The following CFDP1 variants were observed in gnomAD, a reference collection of about 807,000 sequenced individuals.
CFDP1 encodes the protein heterochromatin-stabilizing protein CFDP1.
Under a neutral mutation model 40.1 loss-of-function variants are expected in CFDP1, and 31 were observed. The observed-to-expected ratio is 0.77, with a 90% CI of 0.58 to 1.04. The LOEUF (loss-of-function observed/expected upper bound fraction) is 1.04. Among genes scored for constraint, CFDP1 ranks in the 50% least tolerant of loss-of-function variants. The pLI, the probability that CFDP1 is intolerant of heterozygous loss-of-function variation, is 0.00. For synonymous variants in CFDP1, 167 were observed against 120.0 expected, an observed-to-expected ratio of 1.39 and a Z score of -2.56; for missense variants, 423 against 343.4, an observed-to-expected ratio of 1.23 and a Z score of -1.83.
intron 5 of CFDP1, among the ~76,000 whole-genome samples, chr16:75,308,275 A>G (rs1261454372): frequency 6.6e-6 from 1 of 152,124 alleles, no homozygotes; most frequent in Non-Finnish European, 1.5e-5. Context: ...TGGTGGCATC[A>G]AGCCCTCGTG....
intron 5 of CFDP1, among the ~76,000 whole-genome samples, chr16:75,355,766 A>C (rs2078640775): frequency 6.6e-6 from 1 of 152,002 alleles, no homozygotes; most frequent in African/African-American, 2.4e-5. Context: ...CCCTGCTTGC[A>C]CTCATTCTCT....
chr16:75,399,827 C>T (rs992001126), intron 4 of CFDP1, among the ~76,000 whole-genome samples: 12 of 151,942 alleles, frequency 7.9e-5, no homozygotes, highest in African/African-American at 2.9e-4. Flanking sequence ...ATCGGCTGGG[C>T]GTGGTGGCTC....
chr16:75,425,152 G>A (rs2079323429), intron 1 of CFDP1, among the ~76,000 whole-genome samples: 1 of 151,638 alleles, frequency 6.6e-6, no homozygotes, highest in African/African-American at 2.4e-5. Context: ...TTCCCAAAAC[G>A]GTCTACAGAT....
At chr16:75,365,422 C>G (rs1331011727) in intron 5 of CFDP1, among the ~76,000 whole-genome samples, 1 of 152,138 alleles carries the variant, frequency 6.6e-6, no homozygotes, top group African/African-American at 2.4e-5. Flanking sequence ...AGGGGACTGA[C>G]TGTGTGAGAT....
At chr16:75,413,989 A>T (rs1195713112) in intron 2 of CFDP1, among the ~76,000 whole-genome samples, 2 of 152,164 alleles carry the variant, frequency 1.3e-5, no homozygotes, top group African/African-American at 4.8e-5. Context: ...CTTTGTATAC[A>T]TGTATACAAA....
chr16:75,372,237 G>C (rs1396709089), intron 5 of CFDP1: 1 of 152,172 alleles, frequency 6.6e-6, no homozygotes, highest in Non-Finnish European at 1.5e-5. Flanking sequence ...TGAAGAGTTT[G>C]ACAGAGAACT....
At chr16:75,302,628 G>A (rs2070584562) in intron 6 of CFDP1, among the ~76,000 whole-genome samples, 1 of 152,230 alleles carries the variant, frequency 6.6e-6, no homozygotes, top group East Asian at 1.9e-4. Context: ...ATTCAGAGAA[G>A]CAATAATGTG....
chr16:75,355,324 T>C (rs2078638616), intron 5 of CFDP1, among the ~76,000 whole-genome samples: 1 of 152,228 alleles, frequency 6.6e-6, no homozygotes, highest in African/African-American at 2.4e-5. Context: ...CAATGCTGTT[T>C]GATAGCATTT....
At chr16:75,426,432 CA>C (rs938263282) in intron 1 of CFDP1, among the ~76,000 whole-genome samples, 2 of 151,780 alleles carry the variant, frequency 1.3e-5, no homozygotes, top group African/African-American at 4.8e-5. Context: ...CCGAGTTAGG[CA>C]AAAAAGAGTT....
At chr16:75,364,652 C>T (rs2078701832) in intron 5 of CFDP1, among the ~76,000 whole-genome samples, 1 of 152,112 alleles carries the variant, frequency 6.6e-6, no homozygotes, top group Non-Finnish European at 1.5e-5. Flanking sequence ...TAAAACAATG[C>T]CACTCTTCTC....
intron 1 of CFDP1, among the ~76,000 whole-genome samples, chr16:75,425,759 C>A (rs1333642282): frequency 6.6e-6 from 1 of 151,524 alleles, no homozygotes; most frequent in South Asian, 2.1e-4. Context: ...GCTGGCCGGG[C>A]ACGGTGGCTC....
intron 1 of CFDP1, among the ~76,000 whole-genome samples, chr16:75,431,313 G>T (rs958804590): frequency 1.3e-5 from 2 of 151,858 alleles, no homozygotes; most frequent in African/African-American, 2.4e-5. Context: ...AATCATTCGG[G>T]TGTGCTGGCG....
At chr16:75,397,661 C>T (rs887693899) in intron 4 of CFDP1, among the ~76,000 whole-genome samples, 2 of 151,926 alleles carry the variant, frequency 1.3e-5, no homozygotes, top group Non-Finnish European at 2.9e-5. Context: ...AAAAATTAGC[C>T]GGGCATAGTG....
At chr16:75,357,940 G>C (rs1426466459) in intron 5 of CFDP1, among the ~76,000 whole-genome samples, 1 of 152,172 alleles carries the variant, frequency 6.6e-6, no homozygotes, top group Admixed American at 6.5e-5. Flanking sequence ...TTGATTTAAA[G>C]TGAGAGATGT....
rs778504803 is a variant in CFDP1 at position 75,395,132 on chromosome 16, G to C, written c.608C>G (p.Ala203Gly). The C allele has an allele frequency of 6.2e-7, 1 of 1,613,836 alleles. No individual in the cohort carries two copies. The highest frequency in any genetic ancestry group is 2.2e-5 in the East Asian group (1 of 44,888). ...FKQNEKEKPQ[A>G]NVPSALPSLP... is the part of the protein sequence containing the mutation. ...TGATGGCAGAGCTGAAGGAACATTAGCCTGTGGTTTTTCTTTCTCATTCTG... is the reference window on the plus strand; with the variant it reads ...TGATGGCAGAGCTGAAGGAACATTACCCTGTGGTTTTTCTTTCTCATTCTG... The change falls in exon 5 of 7, where the codon GCT becomes GGT. Residue 203 changes from alanine (A) to glycine (G), a missense_variant. By Grantham distance (60) the Ala-to-Gly change is moderately conservative. Transcript: ENST00000283882.
chr16:75,318,308 T>TA (rs1240617488), intron 5 of CFDP1, among the ~76,000 whole-genome samples: 1 of 152,038 alleles, frequency 6.6e-6, no homozygotes, highest in Non-Finnish European at 1.5e-5. Context: ...TCTCGCCAAC[T>TA]AAGTCAACAG....
intron 1 of CFDP1, among the ~76,000 whole-genome samples, chr16:75,415,678 C>A (rs2151589866): frequency 6.6e-6 from 1 of 152,334 alleles, no homozygotes; most frequent in South Asian, 2.1e-4. Context: ...GAGTCACCCA[C>A]ATTGTTGCAG....
At chr16:75,418,620 A>G (rs997383862) in intron 1 of CFDP1, among the ~76,000 whole-genome samples, 2 of 151,884 alleles carry the variant, frequency 1.3e-5, no homozygotes, top group African/African-American at 4.8e-5. Context: ...ACCCTTTTTA[A>G]GTATTTCCTA....
chr16:75,370,358 G>C (rs2078743031), intron 5 of CFDP1, among the ~76,000 whole-genome samples: 2 of 151,996 alleles, frequency 1.3e-5, no homozygotes, highest in South Asian at 4.2e-4. Context: ...CTCCCAAAGT[G>C]CTGGGATTAC....
Sources: gnomAD v4.1 joint callset for allele counts (sites outside exome capture counted in the v4.1 genomes callset) on GRCh38, gnomAD v4.1.1 for gene constraint, MANE v1.5 for transcripts, NCBI Gene and HGNC (gene_info 2026-07-23, HGNC 2026-07-21) for gene names.